SNAP91: variants seen among roughly 807,000 people sequenced by gnomAD.
SNAP91 encodes clathrin coat assembly protein AP180.
A neutral mutation model predicts 100.3 loss-of-function variants in SNAP91; 27 were observed. That is an observed-to-expected ratio of 0.27 (90% CI 0.20 to 0.37). SNAP91 has a LOEUF of 0.37. Ranked by LOEUF, SNAP91 falls within the 10% of genes least tolerant of loss-of-function variation. The probability of loss-of-function intolerance (pLI) is 1.00; values close to 1 mark genes in which losing one functional copy is unlikely to be tolerated. For missense variants in SNAP91, 986 were observed against 1,123.7 expected (o/e 0.88, Z 1.75); for synonymous variants, 404 against 398.6 (o/e 1.01, Z -0.16).
chr6:83,620,012 T>C (rs1456181962), intron 9 of SNAP91, among the ~76,000 whole-genome samples: 6 of 152,232 alleles, frequency 3.9e-5, no homozygotes, highest in African/African-American at 1.4e-4. Flanking sequence ...ACAGTTATTT[T>C]TGAATGTCCT....
chr6:83,672,733 C>T (rs1294791405), intron 2 of SNAP91, among the ~76,000 whole-genome samples: 1 of 152,134 alleles, frequency 6.6e-6, no homozygotes, highest in East Asian at 1.9e-4. Context: ...ATATTATAGG[C>T]CAATTCTCTC....
intron 2 of SNAP91, among the ~76,000 whole-genome samples, chr6:83,700,204 T>A (rs1339507737): frequency 6.6e-6 from 1 of 152,142 alleles, no homozygotes; most frequent in Non-Finnish European, 1.5e-5. Context: ...TACATATGCA[T>A]ATTAAAATTT....
At chr6:83,569,035 G>C (rs1359062352) in intron 26 of SNAP91, among the ~76,000 whole-genome samples, 3 of 152,050 alleles carry the variant, frequency 2.0e-5, no homozygotes, top group Admixed American at 6.6e-5. Context: ...TTAAGTAAAA[G>C]CAAAGCCACA....
At chr6:83,568,272 A>C (rs1052793251) in intron 26 of SNAP91, among the ~76,000 whole-genome samples, 3 of 151,816 alleles carry the variant, frequency 2.0e-5, no homozygotes, top group East Asian at 1.9e-4. Flanking sequence ...GCATGTTCTC[A>C]CTCATAGGTG....
intron 16 of SNAP91, among the ~76,000 whole-genome samples, chr6:83,596,490 G>A (rs2094484008): frequency 6.6e-6 from 1 of 152,126 alleles, no homozygotes; most frequent in Middle Eastern, 3.4e-3. Flanking sequence ...TTGGAACTGA[G>A]GCCAATAATA....
intron 26 of SNAP91, among the ~76,000 whole-genome samples, chr6:83,566,635 A>G (rs1437156986): frequency 6.6e-6 from 1 of 152,206 alleles, no homozygotes; most frequent in Non-Finnish European, 1.5e-5. Flanking sequence ...TAACTCTTAC[A>G]TTCAGTGGTG....
chr6:83,572,780 G>T (rs1254936450), intron 26 of SNAP91, among the ~76,000 whole-genome samples: 1 of 152,096 alleles, frequency 6.6e-6, no homozygotes, highest in Non-Finnish European at 1.5e-5. Context: ...TGCACAGAAG[G>T]GAATAGGAAA....
intron 16 of SNAP91, among the ~76,000 whole-genome samples, chr6:83,597,234 G>T (rs996448926): frequency 6.6e-6 from 1 of 152,150 alleles, no homozygotes; most frequent in Non-Finnish European, 1.5e-5. Context: ...TGAGTGTCCA[G>T]ATGGTACCAG....
intron 6 of SNAP91, among the ~76,000 whole-genome samples, chr6:83,657,106 G>A (rs1348255946): frequency 6.6e-6 from 1 of 152,142 alleles, no homozygotes; most frequent in Non-Finnish European, 1.5e-5. Context: ...ATATATATGT[G>A]TTTATATAGA....
Position 83,662,383 on chromosome 6 carries a change from T to C in SNAP91, c.313A>G (p.Asn105Asp). The C allele has an allele frequency of 7.0e-7, 1 of 1,429,670 alleles. No homozygotes were observed. Among genetic ancestry groups the C allele is most frequent in the Non-Finnish European group, 9.3e-7 (1 of 1,071,734 alleles). The allele number at this position is 1,429,670 out of a possible 1,614,324, so 88.6% of individuals were successfully genotyped here. Residue 105 changes from asparagine to aspartate, a missense_variant, in exon 4 of 30, where the codon AAT becomes GAT. By Grantham distance (23) the Asn-to-Asp change is conservative. Transcript: ENST00000369694. The stretch of plus-strand genomic sequence containing the variant: ...CTTTTGTCCAAAAAATTGCTGAGAT[T>C]GAATAGTGTATTTCTAGAAGCCAAA... The part of the protein sequence containing the change: ...QYLASRNTLF[N>D]LSNFLDKSGS...
Position 83,626,594 on chromosome 6 carries a change from C to T in SNAP91, c.766-3252G>A, listed in dbSNP as rs192560652. ...TTTATCTCCTTGGTTAGAGGTACTC[C>T]TAGGTTTTCAATTTTTTGTGGCTAT... is the stretch of plus-strand genomic sequence containing the variant. On this transcript the variant is annotated intron_variant, in intron 8 of 29. Coordinates refer to ENST00000369694, the MANE Select transcript of SNAP91 (RefSeq NM_001242792.2). Among the ~76,000 whole-genome samples the T allele has an allele frequency of 4.3e-4, 65 of 151,952 alleles. No individual in the cohort carries two copies. The East Asian group carries it at 0.011, about 25-fold the overall frequency.
At chr6:83,688,486 A>T (rs1440993619) in intron 2 of SNAP91, among the ~76,000 whole-genome samples, 2 of 150,190 alleles carry the variant, frequency 1.3e-5, no homozygotes, top group Non-Finnish European at 3.0e-5. Context: ...TTGTCCCTCA[A>T]TACTCAGCCA....
intron 2 of SNAP91, among the ~76,000 whole-genome samples, chr6:83,669,844 G>C (rs182891834): frequency 6.6e-6 from 1 of 151,952 alleles, no homozygotes; most frequent in East Asian, 1.9e-4. Flanking sequence ...TTTTATTGTA[G>C]AGGTGTATTC....
At chr6:83,669,237 A>G (rs1449245476) in intron 2 of SNAP91, among the ~76,000 whole-genome samples, 1 of 151,810 alleles carries the variant, frequency 6.6e-6, no homozygotes, top group Non-Finnish European at 1.5e-5. Flanking sequence ...TTCCATAGTC[A>G]TTGCTTCAAA....
At chr6:83,587,113 A>G (rs2092803294) in intron 22 of SNAP91, among the ~76,000 whole-genome samples, 1 of 152,186 alleles carries the variant, frequency 6.6e-6, no homozygotes, top group African/African-American at 2.4e-5. Flanking sequence ...TTTCAAAATG[A>G]TACCAATTTT....
chr6:83,622,451 A>T (rs200438980), intron 9 of SNAP91, among the ~76,000 whole-genome samples: 1 of 151,790 alleles, frequency 6.6e-6, no homozygotes, highest in Non-Finnish European at 1.5e-5. Context: ...CATTATGACA[A>T]TTTTTTCTAT....
At chr6:83,676,647 A>C (rs1276653409) in intron 2 of SNAP91, among the ~76,000 whole-genome samples, 1 of 152,200 alleles carries the variant, frequency 6.6e-6, no homozygotes, top group Non-Finnish European at 1.5e-5. Flanking sequence ...ATAGCATTAT[A>C]GGTCACAGAA....
chr6:83,608,857 G>C (rs1451973134), intron 12 of SNAP91, among the ~76,000 whole-genome samples: 1 of 152,148 alleles, frequency 6.6e-6, no homozygotes, highest in African/African-American at 2.4e-5. Context: ...GAGCAGTGTG[G>C]ATGTTGTTAA....
At chr6:83,690,412 A>T in intron 2 of SNAP91, 1 of 1,288,784 alleles carries the variant, frequency 7.8e-7, no homozygotes, top group South Asian at 1.2e-5. Context: ...ATTAGGAAGC[A>T]CTTGTTGAAA....
Sources: gnomAD v4.1 joint callset for allele counts (sites outside exome capture counted in the v4.1 genomes callset) on GRCh38, gnomAD v4.1.1 for gene constraint, MANE v1.5 for transcripts, NCBI Gene and HGNC (gene_info 2026-07-23, HGNC 2026-07-21) for gene names.